Variants in NRG3 observed in about 807,000 individuals in gnomAD.
NRG3 encodes the protein neuregulin 3, also known as pro-neuregulin-3, membrane-bound isoform.
A neutral mutation model predicts 66.9 loss-of-function variants in NRG3; 31 were observed. The ratio of observed to expected loss-of-function variants is 0.46; its 90% confidence interval spans 0.35 to 0.63. The LOEUF (loss-of-function observed/expected upper bound fraction) is 0.63. Among genes scored for constraint, NRG3 ranks in the 20% least tolerant of loss-of-function variants. NRG3 has a pLI of 0.00. For synonymous variants in NRG3, 393 were observed against 359.4 expected, an observed-to-expected ratio of 1.09 and a Z score of -1.06; for missense variants, 910 against 878.9, an observed-to-expected ratio of 1.04 and a Z score of -0.45.
chr10:82,297,251 A>C (rs901555649), intron 1 of NRG3, among the ~76,000 whole-genome samples: 1 of 147,322 alleles, frequency 6.8e-6, no homozygotes, highest in Admixed American at 6.8e-5. Context: ...ATAAAAATGC[A>C]GGTGTCTTTT....
chr10:82,097,901 T>C (rs1306499717), intron 1 of NRG3, among the ~76,000 whole-genome samples: 1 of 152,146 alleles, frequency 6.6e-6, no homozygotes, highest in Non-Finnish European at 1.5e-5. Context: ...CCAGTATATA[T>C]TCTTTGATAA....
Position 82,365,705 on chromosome 10 carries a change from AT to A in NRG3, c.953+6838del, listed in dbSNP as rs1455715688. Among the ~76,000 whole-genome samples, 5 of 152,028 alleles carry A rather than the reference AT, an allele frequency of 3.3e-5. No homozygotes were observed. In the South Asian group the frequency reaches 1.0e-3, roughly 32 times the overall value. On this transcript the variant is annotated intron_variant, in intron 2 of 8. Transcript: ENST00000372141. Reference sequence around the variant, plus strand: ...CTTTGGATATGGATATTTAAGTATCATGCAAAAAAACAAAAAAGCACATTCA... The same window carrying A: ...CTTTGGATATGGATATTTAAGTATCAGCAAAAAAACAAAAAAGCACATTCA...
chr10:82,273,680 T>C (rs2078709607), intron 1 of NRG3, among the ~76,000 whole-genome samples: 1 of 151,988 alleles, frequency 6.6e-6, no homozygotes. Context: ...GAAAATACTG[T>C]TTTTCATATA....
chr10:82,728,147 T>C (rs1476582604), intron 2 of NRG3, among the ~76,000 whole-genome samples: 1 of 152,168 alleles, frequency 6.6e-6, no homozygotes, highest in African/African-American at 2.4e-5. Flanking sequence ...CGTTGGACTG[T>C]GGACTTTTGA....
intron 4 of NRG3, among the ~76,000 whole-genome samples, chr10:82,879,133 G>A (rs1246246792): frequency 2.6e-5 from 4 of 152,044 alleles, no homozygotes; most frequent in African/African-American, 9.7e-5. Context: ...ACTAATTTAT[G>A]TGTTCACCTT....
intron 2 of NRG3, among the ~76,000 whole-genome samples, chr10:82,721,257 G>T (rs2057300870): frequency 6.8e-6 from 1 of 146,658 alleles, no homozygotes; most frequent in Non-Finnish European, 1.5e-5. Flanking sequence ...TCAGCCTCCC[G>T]AGTAGCTGGG....
chr10:82,249,474 G>A (rs2077389510), intron 1 of NRG3, among the ~76,000 whole-genome samples: 1 of 152,164 alleles, frequency 6.6e-6, no homozygotes, highest in South Asian at 2.1e-4. Flanking sequence ...TTTATACACT[G>A]AAAAGTTCAG....
chr10:82,533,278 T>C (rs1193954665), intron 2 of NRG3, among the ~76,000 whole-genome samples: 1 of 152,106 alleles, frequency 6.6e-6, no homozygotes, highest in Non-Finnish European at 1.5e-5. Flanking sequence ...TCTTTTGCTG[T>C]ACTGGAGCTT....
At chr10:82,573,701 G>A (rs1005370069) in intron 2 of NRG3, among the ~76,000 whole-genome samples, 1 of 151,666 alleles carries the variant, frequency 6.6e-6, no homozygotes, top group Non-Finnish European at 1.5e-5. Flanking sequence ...GAGTTCAAAG[G>A]CTAAAATGAA....
intron 1 of NRG3, among the ~76,000 whole-genome samples, chr10:82,089,870 A>G (rs186538612): frequency 6.6e-6 from 1 of 152,298 alleles, no homozygotes; most frequent in East Asian, 1.9e-4. Flanking sequence ...TAAGCATTAC[A>G]CTTATGAAAT....
chr10:82,335,934 G>T (rs1313998307), intron 1 of NRG3, among the ~76,000 whole-genome samples: 3 of 152,092 alleles, frequency 2.0e-5, no homozygotes, highest in Non-Finnish European at 4.4e-5. Context: ...TGTGTAAGGG[G>T]TCAAATAATA....
intron 2 of NRG3, among the ~76,000 whole-genome samples, chr10:82,726,592 G>T (rs1455464697): frequency 1.3e-5 from 2 of 152,172 alleles, no homozygotes; most frequent in Admixed American, 1.3e-4. Flanking sequence ...CCCCAGCCAT[G>T]TGGAACTGTA....
chr10:82,332,636 G>T (rs971293159), intron 1 of NRG3, among the ~76,000 whole-genome samples: 1 of 152,098 alleles, frequency 6.6e-6, no homozygotes, highest in Admixed American at 6.5e-5. Flanking sequence ...TGAAATTCCT[G>T]TTTCGTGAAT....
intron 1 of NRG3, among the ~76,000 whole-genome samples, chr10:82,021,348 T>C (rs2062051574): frequency 6.6e-6 from 1 of 152,110 alleles, no homozygotes; most frequent in Non-Finnish European, 1.5e-5. Context: ...TGAATTAAGT[T>C]AGTTTTCAGA....
chr10:82,608,805 T>C (rs1174080895), intron 2 of NRG3, among the ~76,000 whole-genome samples: 1 of 152,106 alleles, frequency 6.6e-6, no homozygotes, highest in Non-Finnish European at 1.5e-5. Context: ...TCTGTGTATT[T>C]CAAATGGCTA....
rs186046288 is a variant in NRG3 at position 82,080,014 on chromosome 10, A to T, written c.823+203851A>T. The stretch of plus-strand genomic sequence containing the variant: ...CTAACAATTTCATAGAAAAATCTGC[A>T]TGCCTTTTTCTTTGGAGAAATCACA... On this transcript the variant is annotated intron_variant, in intron 1 of 8. Coordinates refer to ENST00000372141, the MANE Select transcript of NRG3 (RefSeq NM_001010848.4). 4.3e-4 allele frequency among the ~76,000 whole-genome samples: 65 copies of T among 152,326 alleles called. 1 individual carries two copies. Among genetic ancestry groups the T allele is most frequent in the Admixed American group, 1.8e-3 (27 of 15,298 alleles).
chr10:82,641,531 A>G (rs1223893516), intron 2 of NRG3, among the ~76,000 whole-genome samples: 1 of 152,192 alleles, frequency 6.6e-6, no homozygotes, highest in Non-Finnish European at 1.5e-5. Flanking sequence ...TCTGGTGTAT[A>G]AGATGAGCCT....
At position 82,438,658 on chromosome 10, in the gene NRG3, G is replaced by T. The variant is rs142266618; in HGVS notation, c.953+79790G>T. On this transcript the variant is annotated intron_variant, in intron 2 of 8. Transcript: ENST00000372141. Reference sequence around the variant, plus strand: ...CTGGGGTTGGGATGCTAGGCCCTTGGTGGCATGGGTTCATGAGTGGGATCT... The same window carrying T: ...CTGGGGTTGGGATGCTAGGCCCTTGTTGGCATGGGTTCATGAGTGGGATCT... Among the ~76,000 whole-genome samples, 563 of 152,306 alleles carry T rather than the reference G, an allele frequency of 3.7e-3. 1 individual carries two copies. The highest frequency in any genetic ancestry group is 0.013 in the African/African-American group (533 of 41,570).
At chr10:82,409,601 A>G (rs559905436) in intron 2 of NRG3, among the ~76,000 whole-genome samples, 1 of 152,314 alleles carries the variant, frequency 6.6e-6, no homozygotes, top group South Asian at 2.1e-4. Context: ...TCATTGTCAG[A>G]AAAAACAACT....
Sources: allele counts gnomAD v4.1 joint callset (sites outside exome capture counted in the v4.1 genomes callset), GRCh38; gene constraint gnomAD v4.1.1; transcripts MANE v1.5; gene names NCBI Gene and HGNC (gene_info 2026-07-23, HGNC 2026-07-21).